The following PTPN5 variants were observed in gnomAD, a reference collection of about 807,000 sequenced individuals.
The protein encoded by PTPN5 is tyrosine-protein phosphatase non-receptor type 5.
A neutral mutation model predicts 73.9 loss-of-function variants in PTPN5; 29 were observed. The observed-to-expected ratio is 0.39, with a 90% confidence interval of 0.29 to 0.54. PTPN5 has a LOEUF of 0.54. PTPN5 is among the 20% of genes least tolerant of loss of function. The pLI is 0.65. For synonymous variants in PTPN5, 267 were observed against 304.7 expected, an observed-to-expected ratio of 0.88 and a Z score of 1.29; for missense variants, 652 against 751.4, an observed-to-expected ratio of 0.87 and a Z score of 1.55.
chr11:18,779,039 C>G (rs187457076), intron 1 of PTPN5, among the ~76,000 whole-genome samples: 15 of 152,280 alleles, frequency 9.9e-5, no homozygotes, highest in Admixed American at 4.6e-4. Flanking sequence ...TTACAAGGCT[C>G]CTTCTCATGG....
upstream of PTPN5, chr11:18,792,324 G>GC (rs1217583332): frequency 6.6e-6 from 1 of 152,308 alleles, no homozygotes; most frequent in Non-Finnish European, 1.5e-5. Flanking sequence ...AAGTGGAGCG[G>GC]CCCCATACTA....
rs1554916252 is a variant in PTPN5, at chr11:18,746,195, A to ATTTTT, written c.98-2001_98-1997dup. ...TATATATATATATATATATATATAC[A>ATTTTT]TTTTTTTTTTTTTTGAGATGGAGTC... On this transcript the variant is annotated intron_variant, in intron 3 of 14. Transcript: ENST00000358540. 1.7e-4 allele frequency among the ~76,000 whole-genome samples: 19 copies of ATTTTT among 114,016 alleles called. No individual in the cohort carries two copies. The South Asian group carries it at 4.9e-3, about 30-fold the overall frequency. 74.8% of individuals were successfully genotyped at this position (114,016 alleles called of 152,430 possible). A position where few individuals can be genotyped will look rare whatever the true frequency, so the allele number is the denominator to read the frequency against.
intron 3 of PTPN5, among the ~76,000 whole-genome samples, chr11:18,753,430 C>A (rs1259395178): frequency 6.6e-6 from 1 of 152,200 alleles, no homozygotes; most frequent in Non-Finnish European, 1.5e-5. Context: ...AAAAATAAAT[C>A]TGAACCTCTG....
In PTPN5 at chr11:18,765,766, A is replaced by T. The variant is rs997622047; in HGVS notation, c.97+41T>A. 10 of 1,394,690 alleles carry T rather than the reference A, an allele frequency of 7.2e-6. No individual in the cohort carries two copies. In the Admixed American group the frequency reaches 1.6e-4, roughly 22 times the overall value. The allele number at this position is 1,394,690 out of a possible 1,614,324, so 86.4% of individuals were successfully genotyped here. On this transcript the variant is annotated intron_variant, in intron 3 of 14. Transcript: ENST00000358540. ...GCTTCAGCCGGGGCATTGTCTCTCC[A>T]TTCTGAGGTCTGGGAGGAGCTGGGT...
chr11:18,747,057 G>C (rs1467805225), intron 3 of PTPN5, among the ~76,000 whole-genome samples: 2 of 152,144 alleles, frequency 1.3e-5, no homozygotes, highest in African/African-American at 4.8e-5. Flanking sequence ...AGAAGGGCTT[G>C]AACTAGAATT....
rs1850924664 is a variant in PTPN5, at chr11:18,771,970, C to G, written c.-12G>C. The G allele has an allele frequency of 6.4e-7, 1 of 1,570,224 alleles. No homozygotes were observed. Among genetic ancestry groups the G allele is most frequent in the Admixed American group, 2.0e-5 (1 of 49,162 alleles). On this transcript the variant is annotated 5_prime_UTR_variant, in exon 2 of 15. Coordinates refer to ENST00000358540, the MANE Select transcript of PTPN5 (RefSeq NM_006906.2). ...CCCTCATAATTCATTCCCAAGGTGT[C>G]TGGATGGGGAAGGGTGCCATCTTCC... is the stretch of plus-strand genomic sequence containing the variant.
At chr11:18,750,840 C>G (rs1471953774) in intron 3 of PTPN5, among the ~76,000 whole-genome samples, 1 of 152,176 alleles carries the variant, frequency 6.6e-6, no homozygotes, top group East Asian at 1.9e-4. Context: ...GATCACATAG[C>G]CAGGCAGTGA....
Position 18,742,734 on chromosome 11 carries a change from C to G in PTPN5, c.484-231G>C, listed in dbSNP as rs953419704. 2.6e-5 allele frequency among the ~76,000 whole-genome samples: 4 copies of G among 152,198 alleles called. No individual in the cohort carries two copies. Among genetic ancestry groups the G allele is most frequent in the African/African-American group, 4.8e-5 (2 of 41,440 alleles). Reference sequence around the variant, plus strand: ...CTCTCTGTTTCTTGTGGCTTCAGGCCTTCTCAGTGGGGCTTGGGAGTTCCT... The same window carrying G: ...CTCTCTGTTTCTTGTGGCTTCAGGCGTTCTCAGTGGGGCTTGGGAGTTCCT... On this transcript the variant is annotated intron_variant, in intron 6 of 14. Coordinates refer to ENST00000358540, the MANE Select transcript of PTPN5 (RefSeq NM_006906.2). This position sits in a 1 kb window ranked among gnomAD's most constrained non-coding sequence, Gnocchi z 4.1.
Position 18,743,361 on chromosome 11 carries a change from G to A in PTPN5, c.360C>T (p.Val120=). Residue 120 remains valine, a synonymous_variant, in exon 5 of 15, where the codon GTC becomes GTT. Coordinates refer to ENST00000358540, the MANE Select transcript of PTPN5 (RefSeq NM_006906.2). ...GTTTCAGGAGCGTCAGCAAAGAGGAGACGAGGTTTGTGGCGTTCTGTGACC... is the reference window on the plus strand; with the variant it reads ...GTTTCAGGAGCGTCAGCAAAGAGGAAACGAGGTTTGTGGCGTTCTGTGACC... ...HIWSQNATNL[V]SSLLTLLKQL... 6.2e-7 allele frequency: 1 copy of A among 1,614,174 alleles called. No individual in the cohort carries two copies. The highest frequency in any genetic ancestry group is 1.1e-5 in the South Asian group (1 of 91,078).
intron 1 of PTPN5, among the ~76,000 whole-genome samples, chr11:18,784,113 C>T (rs148258199): frequency 1.3e-5 from 2 of 152,292 alleles, no homozygotes; most frequent in East Asian, 3.9e-4. Flanking sequence ...GCACCCTGCA[C>T]CTCTCAAAAA....
At chr11:18,769,659 C>T (rs1471407500) in intron 2 of PTPN5, among the ~76,000 whole-genome samples, 1 of 152,222 alleles carries the variant, frequency 6.6e-6, no homozygotes, top group African/African-American at 2.4e-5. Flanking sequence ...TTGCCTCAGC[C>T]TCCCAAAGTA....
At chr11:18,736,130 A>G (rs924300890) in intron 9 of PTPN5, among the ~76,000 whole-genome samples, 5 of 152,146 alleles carry the variant, frequency 3.3e-5, no homozygotes, top group Non-Finnish European at 4.4e-5. Flanking sequence ...GATATTATTC[A>G]TTCATTCATT....
chr11:18,735,295 T>G (rs1849065112), intron 9 of PTPN5, among the ~76,000 whole-genome samples: 3 of 134,240 alleles, frequency 2.2e-5, no homozygotes, highest in Non-Finnish European at 3.2e-5. Flanking sequence ...GAAGAGGGGG[T>G]GTAGAGGGTG....
At chr11:18,761,177 A>C (rs1850370853) in intron 3 of PTPN5, among the ~76,000 whole-genome samples, 1 of 152,198 alleles carries the variant, frequency 6.6e-6, no homozygotes, top group Admixed American at 6.5e-5. Flanking sequence ...AGGCCTGCCC[A>C]CGAGTCTGCA....
intron 9 of PTPN5, among the ~76,000 whole-genome samples, chr11:18,735,337 AG>A (rs1330280103): frequency 8.4e-6 from 1 of 118,630 alleles, no homozygotes; most frequent in East Asian, 2.4e-4. Context: ...GGTAAACGGG[AG>A]GGGGGCTTTT....
In PTPN5 at chr11:18,781,971, C is replaced by T. The variant is rs114517117; in HGVS notation, c.-114+9554G>A. Among the ~76,000 whole-genome samples, 675 of 152,228 alleles carry T rather than the reference C, an allele frequency of 4.4e-3. 7 individuals are homozygous for T. Among genetic ancestry groups the T allele is most frequent in the African/African-American group, 0.015 (641 of 41,534 alleles). On this transcript the variant is annotated intron_variant, in intron 1 of 14. Coordinates refer to ENST00000358540, the MANE Select transcript of PTPN5 (RefSeq NM_006906.2). ...CAGGGAACACTGCAGGGCAAAGGCC[C>T]GGAGAGGTGAAAGCACAAGGTATGC...
Position 18,746,192 on chromosome 11 carries a change from T to TATATATATAA in PTPN5, c.98-1994_98-1993insTTATATATAT, listed in dbSNP as rs550537453. Among the ~76,000 whole-genome samples, 7 of 102,826 alleles carry TATATATATAA rather than the reference T, an allele frequency of 6.8e-5. 1 individual carries two copies. Among genetic ancestry groups the TATATATATAA allele is most frequent in the Admixed American group, 6.5e-4 (5 of 7,714 alleles). The allele number at this position is 102,826 out of a possible 152,430, so 67.5% of individuals were successfully genotyped here. On this transcript the variant is annotated intron_variant, in intron 3 of 14. Transcript: ENST00000358540. ...ATATATATATATATATATATATATA[T>TATATATATAA]ACATTTTTTTTTTTTTTGAGATGGA...
At chr11:18,773,699 G>A (rs1336364221) in intron 1 of PTPN5, among the ~76,000 whole-genome samples, 1 of 152,134 alleles carries the variant, frequency 6.6e-6, no homozygotes, top group African/African-American at 2.4e-5. Flanking sequence ...AGCATAATGA[G>A]ACATTTCTTC....
intron 1 of PTPN5, among the ~76,000 whole-genome samples, chr11:18,782,258 C>T (rs1851470115): frequency 6.6e-6 from 1 of 151,376 alleles, no homozygotes; most frequent in Non-Finnish European, 1.5e-5. Flanking sequence ...GATGGAGTCT[C>T]GTTCTGTCAC....
Sources: allele counts gnomAD v4.1 joint callset (sites outside exome capture counted in the v4.1 genomes callset), GRCh38; gene constraint gnomAD v4.1.1; non-coding constraint Gnocchi (gnomAD v3.1); transcripts MANE v1.5; gene names NCBI Gene and HGNC (gene_info 2026-07-23, HGNC 2026-07-21).